The following MON2 variants were observed in gnomAD, a reference collection of about 807,000 sequenced individuals.
MON2 encodes the protein MON2 regulator of endosome-to-Golgi trafficking.
A neutral mutation model predicts 208.6 loss-of-function variants in MON2; 84 were observed. The observed-to-expected ratio is 0.40, with a 90% CI of 0.34 to 0.48. The LOEUF is 0.48. Ranked by LOEUF, MON2 falls within the 20% of genes least tolerant of loss-of-function variation. The pLI, the probability that MON2 is intolerant of heterozygous loss-of-function variation, is 0.59. For missense variants in MON2, 1,611 were observed against 2,015.4 expected (o/e 0.80, Z 3.84); for synonymous variants, 660 against 694.0 (o/e 0.95, Z 0.77).
intron 2 of MON2, among the ~76,000 whole-genome samples, chr12:62,493,332 G>A (rs1483026115): frequency 6.6e-6 from 1 of 152,126 alleles, no homozygotes; most frequent in Non-Finnish European, 1.5e-5. Flanking sequence ...TTAAGGTTCG[G>A]AATTATAGCA....
chr12:62,558,166 C>T (rs1031801836), intron 25 of MON2, among the ~76,000 whole-genome samples: 10 of 150,424 alleles, frequency 6.6e-5, no homozygotes, highest in Admixed American at 4.0e-4. Context: ...TTAGTAGAAA[C>T]GGGATTTCTT....
chr12:62,483,850 TTTTG>T (rs756180313), intron 1 of MON2, among the ~76,000 whole-genome samples: 76 of 152,226 alleles, frequency 5.0e-4, no homozygotes, highest in Non-Finnish European at 1.0e-3. Flanking sequence ...TAGATTTTGT[TTTTG>T]TTTGTTATTT....
intron 22 of MON2, 107 bp from the exon 23 acceptor site, chr12:62,549,561 A>G (rs1015849563): frequency 1.1e-6 from 1 of 943,258 alleles, no homozygotes; most frequent in Non-Finnish European, 1.5e-6. Flanking sequence ...AGAGTGAGGC[A>G]TGATCGCACC....
chr12:62,540,989 A>G (rs2073205484), intron 19 of MON2, among the ~76,000 whole-genome samples: 1 of 152,238 alleles, frequency 6.6e-6, no homozygotes, highest in Admixed American at 6.5e-5. Flanking sequence ...AAAGATGTAT[A>G]TATCAGTGTT....
intron 28 of MON2, 39 bp from the exon 29 acceptor site, chr12:62,566,283 A>T (rs777582761): frequency 1.3e-6 from 2 of 1,587,294 alleles, no homozygotes. Context: ...ATTTAATCTC[A>T]GTTTATTTTT....
rs1478484581 is a variant in MON2, at chr12:62,520,919, CAT to C, written c.985-3595_985-3594del. On this transcript the variant is annotated intron_variant, in intron 8 of 34. Coordinates refer to ENST00000393630, the MANE Select transcript of MON2 (RefSeq NM_015026.3). ...AGACTCCATCTCAAAAAAAAAAAGACATGTACTTATGGGTCAGATTTAACAAA... is the reference window on the plus strand; with the variant it reads ...AGACTCCATCTCAAAAAAAAAAAGACGTACTTATGGGTCAGATTTAACAAA... Among the ~76,000 whole-genome samples the C allele has an allele frequency of 9.7e-5, 14 of 144,604 alleles. No individual in the cohort carries two copies. The East Asian group carries it at 1.0e-3, about 10-fold the overall frequency. 94.9% of individuals were successfully genotyped at this position (144,604 alleles called of 152,430 possible).
intron 32 of MON2, 58 bp from the exon 33 acceptor site, chr12:62,585,236 A>T (rs1449503435): frequency 7.4e-7 from 1 of 1,349,618 alleles, no homozygotes; most frequent in East Asian, 2.3e-5. Flanking sequence ...AAGCATTGTT[A>T]TCATTAAAGC....
intron 29 of MON2, among the ~76,000 whole-genome samples, chr12:62,567,462 C>T (rs988959101): frequency 2.6e-5 from 4 of 152,162 alleles, no homozygotes; most frequent in Non-Finnish European, 5.9e-5. Context: ...TGTTGGCTTA[C>T]GTCCATATTG....
In MON2 at chr12:62,552,943, A is replaced by G; in HGVS notation, c.2979A>G (p.Glu993=). The G allele has an allele frequency of 6.2e-7, 1 of 1,614,140 alleles. No individual in the cohort carries two copies. Among genetic ancestry groups the G allele is most frequent in the Non-Finnish European group, 8.5e-7 (1 of 1,179,982 alleles). ...CTATTGAAAAAGAACTAAATAAGGA[A>G]GAGGCAGCACAGCAAAAGCAGGCAG... ...GETIEKELNK[E]EAAQQKQAEE... The change falls in exon 24 of 35, where the codon GAA becomes GAG. Residue 993 remains glutamate (E), a synonymous_variant. Coordinates refer to ENST00000393630, the MANE Select transcript of MON2 (RefSeq NM_015026.3).
At chr12:62,546,087 G>A (rs187748555) in intron 21 of MON2, among the ~76,000 whole-genome samples, 12 of 151,996 alleles carry the variant, frequency 7.9e-5, no homozygotes, top group African/African-American at 2.2e-4. Context: ...AACAAATTTC[G>A]TGGTTTTATG....
chr12:62,470,814 G>C, intron 1 of MON2: 1 of 891,858 alleles, frequency 1.1e-6, no homozygotes, highest in South Asian at 3.9e-5. Context: ...TTATACTGAA[G>C]ATGATTGGAG....
intron 25 of MON2, among the ~76,000 whole-genome samples, chr12:62,559,490 A>C (rs1412746471): frequency 2.6e-5 from 4 of 152,166 alleles, no homozygotes. Flanking sequence ...AAAAAATACA[A>C]AAATTAGCCA....
At chr12:62,495,283 T>A in intron 4 of MON2, 136 bp downstream of exon 4, 1 of 721,342 alleles carries the variant, frequency 1.4e-6, no homozygotes, top group Non-Finnish European at 2.1e-6. Context: ...ACATTGCATG[T>A]TAATAACTGT....
intron 19 of MON2, among the ~76,000 whole-genome samples, chr12:62,540,289 T>A (rs948149133): frequency 6.6e-6 from 1 of 152,170 alleles, no homozygotes; most frequent in African/African-American, 2.4e-5. Flanking sequence ...TGACAATTAC[T>A]ATGGTATGAG....
chr12:62,525,219 T>C lies in MON2; in HGVS notation c.1245T>C (p.Ala415=). Residue 415 remains alanine (A), a splice_region_variant and synonymous_variant, in exon 10 of 35, where the codon GCT becomes GCC. Coordinates refer to ENST00000393630, the MANE Select transcript of MON2 (RefSeq NM_015026.3). ...GAAATCCTGCAACAAGCAACCAAGC[T>C]GGTAAAAACATATTCATAATTTTGT... is the stretch of plus-strand genomic sequence containing the variant. ...PTGNPATSNQ[A]GNNNLGGSVS... 1 of 1,613,078 alleles carries C rather than the reference T, an allele frequency of 6.2e-7. No individual in the cohort carries two copies.
chr12:62,506,755 T>G (rs1329288069), intron 7 of MON2, among the ~76,000 whole-genome samples: 3 of 151,978 alleles, frequency 2.0e-5, no homozygotes, highest in Admixed American at 6.6e-5. Context: ...TTTAAAAAAT[T>G]TTGTGATTCT....
intron 7 of MON2, 80 bp from the exon 8 acceptor site, chr12:62,508,206 C>T: frequency 9.4e-7 from 1 of 1,063,410 alleles, no homozygotes; most frequent in Non-Finnish European, 1.4e-6. Context: ...AGTTTTGTTT[C>T]CTAGTGAGAC....
intron 1 of MON2, among the ~76,000 whole-genome samples, chr12:62,475,275 T>A (rs1189834083): frequency 6.6e-6 from 1 of 152,070 alleles, no homozygotes; most frequent in East Asian, 1.9e-4. Context: ...CTCTCACTCT[T>A]GCCCAGGCTG....
In MON2 at chr12:62,599,486, T is replaced by C. The variant is rs541997599; in HGVS notation, c.*6737T>C. 6.6e-6 allele frequency: 1 copy of C among 152,222 alleles called. No homozygotes were observed. The highest frequency in any genetic ancestry group is 1.9e-4 in the East Asian group (1 of 5,202). The allele number at this position is 152,222 out of a possible 1,614,324, so 9.4% of individuals were successfully genotyped here. A position where few individuals can be genotyped will look rare whatever the true frequency, so the allele number is the denominator to read the frequency against. On this transcript the variant is annotated 3_prime_UTR_variant, in exon 35 of 35. Transcript: ENST00000393630. The stretch of plus-strand genomic sequence containing the variant: ...ACTCAGTGTGTACTGCAGTCAGATA[T>C]AGTTAAAATAATTTTTCTGATGCGT...
Sources: allele counts gnomAD v4.1 joint callset (sites outside exome capture counted in the v4.1 genomes callset), GRCh38; gene constraint gnomAD v4.1.1; transcripts MANE v1.5; gene names NCBI Gene and HGNC (gene_info 2026-07-23, HGNC 2026-07-21).